Variants in MINDY2 observed in about 807,000 individuals in gnomAD.
MINDY2 encodes MINDY lysine 48 deubiquitinase 2, also known as ubiquitin carboxyl-terminal hydrolase MINDY-2.
MINDY2 carries 52 observed loss-of-function variants against 68.2 expected under a neutral mutation model. That is an observed-to-expected ratio of 0.76 (90% CI 0.61 to 0.96). The LOEUF (loss-of-function observed/expected upper bound fraction) is 0.96, where lower values mean the gene tolerates loss of function less well. MINDY2 is among the 40% of genes least tolerant of loss of function. The probability of loss-of-function intolerance (pLI) is 0.00; values close to 1 mark genes in which losing one functional copy is unlikely to be tolerated. For missense variants in MINDY2, 881 were observed against 773.4 expected, an observed-to-expected ratio of 1.14 and a Z score of -1.65; for synonymous variants, 372 against 303.0, an observed-to-expected ratio of 1.23 and a Z score of -2.36.
intron 6 of MINDY2, among the ~76,000 whole-genome samples, chr15:58,846,595 C>CAAAAA (rs11335033): frequency 1.0e-5 from 1 of 98,278 alleles, no homozygotes; most frequent in Non-Finnish European, 2.0e-5. Flanking sequence ...TGAGACTCCT[C>CAAAAA]AAAAAAAAAA....
intron 5 of MINDY2, among the ~76,000 whole-genome samples, chr15:58,824,553 A>G (rs1306403410): frequency 6.6e-5 from 10 of 152,326 alleles, no homozygotes; most frequent in Admixed American, 4.6e-4. Context: ...TTCATTTGAA[A>G]TAATTACTTA....
intron 4 of MINDY2, among the ~76,000 whole-genome samples, chr15:58,813,742 T>A (rs1203927364): frequency 7.1e-6 from 1 of 141,626 alleles, no homozygotes; most frequent in Non-Finnish European, 1.5e-5. Flanking sequence ...CCCGTTAACT[T>A]GTGTATTTTT....
intron 3 of MINDY2, among the ~76,000 whole-genome samples, chr15:58,804,667 C>T (rs1470217366): frequency 3.9e-5 from 6 of 151,978 alleles, no homozygotes; most frequent in Non-Finnish European, 5.9e-5. Flanking sequence ...GTTTGCCAGG[C>T]ATGGTGGCAC....
At chr15:58,800,701 G>A (rs2076596935) in intron 2 of MINDY2, among the ~76,000 whole-genome samples, 1 of 150,316 alleles carries the variant, frequency 6.7e-6, no homozygotes, top group Non-Finnish European at 1.5e-5. Context: ...AGGTGTGGTG[G>A]TGCGTGTCTT....
At chr15:58,852,780 T>A (rs1192886165) in intron 8 of MINDY2, among the ~76,000 whole-genome samples, 1 of 152,156 alleles carries the variant, frequency 6.6e-6, no homozygotes, top group Non-Finnish European at 1.5e-5. Context: ...AAGGTTGACA[T>A]CTCCCTACTT....
chr15:58,772,172 C>T lies in MINDY2; in HGVS notation c.777C>T (p.Thr259=). The T allele has an allele frequency of 6.2e-7, 1 of 1,614,000 alleles. No homozygotes were observed. The highest frequency in any genetic ancestry group is 8.5e-7 in the Non-Finnish European group (1 of 1,180,030). Residue 259 remains threonine (T), a synonymous_variant, in exon 1 of 9, where the codon ACC becomes ACT. Coordinates refer to ENST00000559228, the MANE Select transcript of MINDY2 (RefSeq NM_001040450.3). ...AGGAAGAGAACACACCCATCATCACCCAGAATGAGAACGGACCCTGCCCCT... is the reference window on the plus strand; with the variant it reads ...AGGAAGAGAACACACCCATCATCACTCAGAATGAGAACGGACCCTGCCCCT... ...QWKEENTPII[T]QNENGPCPLL...
chr15:58,784,085 C>T (rs535536549), intron 1 of MINDY2, among the ~76,000 whole-genome samples: 4 of 151,932 alleles, frequency 2.6e-5, no homozygotes, highest in African/African-American at 9.7e-5. Context: ...CAGCAATTTG[C>T]GAGGCTGAGG....
chr15:58,849,511 G>GA (rs1322106457), intron 7 of MINDY2, among the ~76,000 whole-genome samples: 1 of 151,742 alleles, frequency 6.6e-6, no homozygotes, highest in Non-Finnish European at 1.5e-5. Context: ...TCTCAAAAAA[G>GA]AAAAAAACTG....
chr15:58,779,388 A>G (rs527322704), intron 1 of MINDY2, among the ~76,000 whole-genome samples: 1 of 152,048 alleles, frequency 6.6e-6, no homozygotes, highest in Non-Finnish European at 1.5e-5. Context: ...ATTTCTCCCT[A>G]CCTCCTTGAT....
intron 5 of MINDY2, among the ~76,000 whole-genome samples, chr15:58,827,568 G>T (rs1170674958): frequency 2.0e-5 from 3 of 152,012 alleles, no homozygotes; most frequent in African/African-American, 7.2e-5. Context: ...GGTTCATGCC[G>T]TTCTCTTGCC....
Position 58,857,800 on chromosome 15 carries a change from C to T in MINDY2, c.*3190C>T, listed in dbSNP as rs2033108932. 1 of 152,156 alleles carries T rather than the reference C, an allele frequency of 6.6e-6. No individual in the cohort carries two copies. The highest frequency in any genetic ancestry group is 1.5e-5 in the Non-Finnish European group (1 of 68,020). 9.4% of individuals were successfully genotyped at this position (152,156 alleles called of 1,614,324 possible). Reference sequence around the variant, plus strand: ...GACATATTTGCATCAACCAAATCATCATTAGATTTGAAAATAGGCAGATGA... The same window carrying T: ...GACATATTTGCATCAACCAAATCATTATTAGATTTGAAAATAGGCAGATGA... On this transcript the variant is annotated 3_prime_UTR_variant, in exon 9 of 9. Coordinates refer to ENST00000559228, the MANE Select transcript of MINDY2 (RefSeq NM_001040450.3).
In MINDY2 at chr15:58,856,273, G is replaced by C. The variant is rs1210184315; in HGVS notation, c.*1663G>C. Reference sequence around the variant, plus strand: ...TCCACTTGGAGAGTGTTTTTTTTGTGTGTGGTCTGGGGTGACAAAAGACCA... The same window carrying C: ...TCCACTTGGAGAGTGTTTTTTTTGTCTGTGGTCTGGGGTGACAAAAGACCA... On this transcript the variant is annotated 3_prime_UTR_variant, in exon 9 of 9. Transcript: ENST00000559228. 1 of 152,464 alleles carries C rather than the reference G, an allele frequency of 6.6e-6. No homozygotes were observed. Among genetic ancestry groups the C allele is most frequent in the Non-Finnish European group, 1.5e-5 (1 of 68,004 alleles). 9.4% of individuals were successfully genotyped at this position (152,464 alleles called of 1,614,324 possible). A position where few individuals can be genotyped will look rare whatever the true frequency, so the allele number is the denominator to read the frequency against.
At chr15:58,795,546 A>C (rs1367349851) in intron 2 of MINDY2, among the ~76,000 whole-genome samples, 3 of 152,052 alleles carry the variant, frequency 2.0e-5, no homozygotes, top group African/African-American at 7.2e-5. Flanking sequence ...CTGGGACTAC[A>C]GGCGCCTGCC....
intron 4 of MINDY2, among the ~76,000 whole-genome samples, chr15:58,819,832 A>G (rs2030945770): frequency 1.3e-5 from 2 of 152,252 alleles, no homozygotes; most frequent in South Asian, 4.1e-4. Context: ...ACATAAATCA[A>G]AGCTGGAACT....
chr15:58,785,135 C>CAAAA (rs397719705), intron 1 of MINDY2, among the ~76,000 whole-genome samples: 1,259 of 68,426 alleles, frequency 0.018, 1 homozygote, highest in East Asian at 0.032. Context: ...TGAAGGAAAG[C>CAAAA]AAAAAAAAAA....
intron 4 of MINDY2, among the ~76,000 whole-genome samples, chr15:58,812,300 AG>A (rs1478176565): frequency 6.6e-6 from 1 of 151,934 alleles, no homozygotes; most frequent in Non-Finnish European, 1.5e-5. Flanking sequence ...AGTCGGGTGC[AG>A]TGGCAGGCGC....
chr15:58,796,381 T>G (rs1902286406), intron 2 of MINDY2, among the ~76,000 whole-genome samples: 1 of 152,222 alleles, frequency 6.6e-6, no homozygotes, highest in South Asian at 2.1e-4. Flanking sequence ...CTGCATGTTG[T>G]ATAGTTAGAG....
chr15:58,860,461 C>T lies in MINDY2; in HGVS notation c.*5851C>T, dbSNP rs2033186516. On this transcript the variant is annotated 3_prime_UTR_variant, in exon 9 of 9. Transcript: ENST00000559228. ...TGGTGGCACATGCCTGTAATCCCAGCCACTGGGGAGGTTGAGGCGCAAGAA... is the reference window on the plus strand; with the variant it reads ...TGGTGGCACATGCCTGTAATCCCAGTCACTGGGGAGGTTGAGGCGCAAGAA... The T allele has an allele frequency of 6.6e-6, 1 of 151,992 alleles. No individual in the cohort carries two copies. The highest frequency in any genetic ancestry group is 2.4e-5 in the African/African-American group (1 of 41,358). 9.4% of individuals were successfully genotyped at this position (151,992 alleles called of 1,614,324 possible).
At position 58,810,251 on chromosome 15, in the gene MINDY2, A is replaced by G. The variant is rs201832293; in HGVS notation, c.985A>G (p.Ile329Val). Residue 329 changes from isoleucine (I) to valine (V), a missense_variant, in exon 4 of 9, where the codon ATT becomes GTT. Physicochemically the swap from Ile to Val is conservative, Grantham distance 29. Transcript: ENST00000559228. ...TCAGAATATGAGTGATGCCATGGCA[A>G]TTTTGCACAAACTACAGACAGGCCT... ...YEQNMSDAMA[I>V]LHKLQTGLDV... The G allele has an allele frequency of 6.8e-6, 11 of 1,609,624 alleles. No individual in the cohort carries two copies. The African/African-American group carries it at 8.0e-5, about 12-fold the overall frequency.
Sources: gnomAD v4.1 joint callset for allele counts (sites outside exome capture counted in the v4.1 genomes callset) on GRCh38, gnomAD v4.1.1 for gene constraint, MANE v1.5 for transcripts, NCBI Gene and HGNC (gene_info 2026-07-23, HGNC 2026-07-21) for gene names.